HEMK2: variants seen among roughly 807,000 people sequenced by gnomAD.
HEMK2 encodes the protein methyltransferase HEMK2.
At chr21:28,722,085 G>T in the HEMK2 span, among the ~76,000 whole-genome samples, 1 of 151,770 alleles carries the variant, frequency 6.6e-6, no homozygotes. Flanking sequence ...CAAAAGTTTT[G>T]CAAGGTTTTG....
At chr21:28,645,841 G>A in the HEMK2 span, among the ~76,000 whole-genome samples, 1 of 152,166 alleles carries the variant, frequency 6.6e-6, no homozygotes, top group African/African-American at 2.4e-5. Flanking sequence ...AAATCTGCCA[G>A]TGCCTTGCTC....
chr21:28,854,266 T>A, the HEMK2 span, among the ~76,000 whole-genome samples: 1 of 152,326 alleles, frequency 6.6e-6, no homozygotes, highest in South Asian at 2.1e-4. Context: ...TTATTTTGCA[T>A]AACTTTCTAT....
At chr21:28,773,881 G>C in the HEMK2 span, among the ~76,000 whole-genome samples, 6 of 152,126 alleles carry the variant, frequency 3.9e-5, no homozygotes, top group African/African-American at 1.4e-4. Context: ...GCAATCTGTG[G>C]CTTGAATTCT....
the HEMK2 span, among the ~76,000 whole-genome samples, chr21:28,837,882 TA>T: frequency 2.0e-5 from 3 of 152,044 alleles, no homozygotes; most frequent in African/African-American, 7.2e-5. Context: ...CACTGAAATA[TA>T]AAAGATAGTT....
the HEMK2 span, among the ~76,000 whole-genome samples, chr21:28,721,825 T>C: frequency 6.6e-6 from 1 of 150,892 alleles, no homozygotes; most frequent in Non-Finnish European, 1.5e-5. Flanking sequence ...CAAAGAAAAG[T>C]GAAGTGATTT....
chr21:28,651,455 C>A, the HEMK2 span, among the ~76,000 whole-genome samples: 6 of 152,130 alleles, frequency 3.9e-5, no homozygotes, highest in African/African-American at 1.4e-4. Flanking sequence ...GTACTTGAAA[C>A]AGAATAGAAA....
the HEMK2 span, among the ~76,000 whole-genome samples, chr21:28,764,180 T>C: frequency 6.6e-6 from 1 of 152,124 alleles, no homozygotes; most frequent in Non-Finnish European, 1.5e-5. Context: ...AGTCTGTTAC[T>C]GGGTACTTAG....
chr21:28,684,392 G>GA, the HEMK2 span, among the ~76,000 whole-genome samples: 1 of 152,168 alleles, frequency 6.6e-6, no homozygotes, highest in Non-Finnish European at 1.5e-5. Flanking sequence ...AGGCTAAACG[G>GA]AAAAACAAAC....
the HEMK2 span, among the ~76,000 whole-genome samples, chr21:28,852,758 C>T: frequency 2.0e-5 from 3 of 152,148 alleles, no homozygotes; most frequent in Admixed American, 6.5e-5. Flanking sequence ...TTTGTTTACT[C>T]GATCTGAAAG....
chr21:28,754,108 A>G, the HEMK2 span, among the ~76,000 whole-genome samples: 1 of 152,216 alleles, frequency 6.6e-6, no homozygotes, highest in Non-Finnish European at 1.5e-5. Flanking sequence ...CCCCACTCCT[A>G]TGTGTAGCTT....
At chr21:28,788,197 T>C in the HEMK2 span, among the ~76,000 whole-genome samples, 80 of 112,838 alleles carry the variant, frequency 7.1e-4, no homozygotes, top group African/African-American at 4.4e-3. Context: ...TATACGTATA[T>C]ACGTATATAT....
At chr21:28,710,530 T>G in the HEMK2 span, among the ~76,000 whole-genome samples, 1 of 152,216 alleles carries the variant, frequency 6.6e-6, no homozygotes, top group Non-Finnish European at 1.5e-5. Context: ...ACAAATCACC[T>G]AAATACTTTA....
the HEMK2 span, among the ~76,000 whole-genome samples, chr21:28,706,199 A>G: frequency 1.3e-5 from 2 of 152,162 alleles, no homozygotes; most frequent in Non-Finnish European, 2.9e-5. Context: ...AGAAATCTCA[A>G]ACCTGTCTCT....
the HEMK2 span, among the ~76,000 whole-genome samples, chr21:28,799,689 G>A: frequency 7.9e-5 from 12 of 152,128 alleles, no homozygotes; most frequent in Non-Finnish European, 1.5e-4. Context: ...AACCATATTA[G>A]TGCTTAACTC....
At chr21:28,782,288 A>G in the HEMK2 span, among the ~76,000 whole-genome samples, 2 of 152,226 alleles carry the variant, frequency 1.3e-5, no homozygotes, top group Admixed American at 6.5e-5. Context: ...TAATATACAC[A>G]TAATATTAGG....
chr21:28,623,982 A>C, the HEMK2 span, among the ~76,000 whole-genome samples: 16,450 of 152,060 alleles, frequency 0.11, 1,062 homozygotes, highest in African/African-American at 0.17. Context: ...TAAAGTATTA[A>C]AAAAAAACTC....
At chr21:28,742,820 T>C in the HEMK2 span, among the ~76,000 whole-genome samples, 1 of 152,070 alleles carries the variant, frequency 6.6e-6, no homozygotes, top group African/African-American at 2.4e-5. Context: ...TATAGACACA[T>C]ATCTATTTAT....
chr21:28,685,005 T>A, the HEMK2 span, among the ~76,000 whole-genome samples: 1 of 152,178 alleles, frequency 6.6e-6, no homozygotes, highest in Non-Finnish European at 1.5e-5. Context: ...CGAAGTCAAC[T>A]TCAATTTGTG....
the HEMK2 span, among the ~76,000 whole-genome samples, chr21:28,607,132 C>T: frequency 2.0e-5 from 3 of 151,992 alleles, no homozygotes; most frequent in Non-Finnish European, 2.9e-5. Flanking sequence ...GTTTGAGGGC[C>T]GGGTGCAGTG....
Sources: allele counts gnomAD v4.1 joint callset (sites outside exome capture counted in the v4.1 genomes callset), GRCh38; gene constraint gnomAD v4.1.1; transcripts MANE v1.5; gene names NCBI Gene and HGNC (gene_info 2026-07-23, HGNC 2026-07-21).